The following ARPC2 variants were observed in gnomAD, a reference collection of about 807,000 sequenced individuals.
ARPC2 encodes the protein actin-related protein 2/3 complex subunit 2.
ARPC2 carries 4 observed loss-of-function variants against 38.6 expected under a neutral mutation model. The observed-to-expected ratio is 0.10, with a 90% CI of 0.05 to 0.24. ARPC2 has a LOEUF of 0.24. ARPC2 is among the 10% of genes least tolerant of loss of function. ARPC2 has a pLI of 1.00. For synonymous variants in ARPC2, 125 were observed against 140.8 expected, an observed-to-expected ratio of 0.89 and a Z score of 0.79; for missense variants, 229 against 387.3, an observed-to-expected ratio of 0.59 and a Z score of 3.43.
At chr2:218,238,924 G>A (rs982557723) in intron 6 of ARPC2, 74 bp downstream of exon 6, 2 of 1,242,056 alleles carry the variant, frequency 1.6e-6, no homozygotes, top group Non-Finnish European at 2.3e-6. Context: ...AAGAAATATG[G>A]CTTGGTCAAA....
chr2:218,225,161 TTGA>T (rs1689468751), intron 2 of ARPC2, among the ~76,000 whole-genome samples: 1 of 152,200 alleles, frequency 6.6e-6, no homozygotes, highest in Admixed American at 6.5e-5. Flanking sequence ...CCCCATTTTA[TTGA>T]TGATAGGGGA....
chr2:218,218,115 G>A (rs1170620218), intron 2 of ARPC2, among the ~76,000 whole-genome samples: 3 of 152,230 alleles, frequency 2.0e-5, no homozygotes, highest in Non-Finnish European at 2.9e-5. Context: ...TCCCTTCCCC[G>A]AACCCTTCTG....
intron 2 of ARPC2, among the ~76,000 whole-genome samples, chr2:218,224,272 T>C (rs2106144349): frequency 6.6e-6 from 1 of 152,282 alleles, no homozygotes; most frequent in African/African-American, 2.4e-5. Flanking sequence ...TCAGGTCTTT[T>C]GACAAAGTAG....
intron 10 of ARPC2, among the ~76,000 whole-genome samples, chr2:218,250,476 A>G (rs892801409): frequency 6.6e-6 from 1 of 152,150 alleles, no homozygotes; most frequent in Admixed American, 6.5e-5. Context: ...AGCCTGGCCA[A>G]GACGGTGAAA....
chr2:218,230,287 CTTTTTTTTTTT>C (rs768585570), intron 4 of ARPC2, among the ~76,000 whole-genome samples: 3 of 73,010 alleles, frequency 4.1e-5, no homozygotes, highest in Non-Finnish European at 7.3e-5. Flanking sequence ...TTTTTTTTTT[CTTTTTTTTTTT>C]TTTTTTTTTT....
At chr2:218,234,899 C>T (rs1205961720) in intron 5 of ARPC2, 2 of 456,570 alleles carry the variant, frequency 4.4e-6, no homozygotes, top group South Asian at 1.5e-5. Context: ...TGAAAGGCAC[C>T]GTGTCATCCT....
At chr2:218,231,380 A>C (rs537423063) in intron 4 of ARPC2, among the ~76,000 whole-genome samples, 1 of 152,208 alleles carries the variant, frequency 6.6e-6, no homozygotes, top group Non-Finnish European at 1.5e-5. Context: ...AGATCTCAGA[A>C]TATTAACTTA....
chr2:218,217,562 G>T lies in ARPC2; in HGVS notation c.74+18G>T. ...GCCGCCGGGTGAGCGCGCGCCCGGGGCCGGGGGTGGCGGGGGAAGCAGAGT... is the reference window on the plus strand; with the variant it reads ...GCCGCCGGGTGAGCGCGCGCCCGGGTCCGGGGGTGGCGGGGGAAGCAGAGT... On this transcript the variant is annotated intron_variant, in intron 2 of 10. Transcript: ENST00000315717. 6 of 1,603,540 alleles carry T rather than the reference G, an allele frequency of 3.7e-6. No homozygotes were observed. Among genetic ancestry groups the T allele is most frequent in the Non-Finnish European group, 5.1e-6 (6 of 1,174,596 alleles).
chr2:218,245,290 G>GT, intron 7 of ARPC2, 130 bp from the exon 8 acceptor site: 1 of 1,178,224 alleles, frequency 8.5e-7, no homozygotes, highest in Non-Finnish European at 1.2e-6. Context: ...GTTTGGTGTA[G>GT]TTTATTTTTA....
chr2:218,220,559 T>C (rs537628348), intron 2 of ARPC2, among the ~76,000 whole-genome samples: 2 of 152,280 alleles, frequency 1.3e-5, no homozygotes, highest in Admixed American at 1.3e-4. Flanking sequence ...AAAATAGTTC[T>C]GTGGCATATA....
chr2:218,228,682 G>C, intron 3 of ARPC2, 56 bp from the exon 4 acceptor site: 1 of 1,120,922 alleles, frequency 8.9e-7, no homozygotes, highest in South Asian at 1.3e-5. Flanking sequence ...TAGGCGCTTG[G>C]AGAGATTATT....
Position 218,228,796 on chromosome 2 carries a change from G to T in ARPC2, c.168G>T (p.Met56Ile). Residue 56 changes from methionine to isoleucine, a missense_variant, in exon 4 of 11, where the codon ATG (methionine) becomes ATT (isoleucine). By Grantham distance (10) the Met-to-Ile change is conservative (BLOSUM62 1). This residue lies in a region of ARPC2 where 135 missense variants were observed against 214.1 expected (regional missense o/e 0.63). Coordinates refer to ENST00000315717, the MANE Select transcript of ARPC2 (RefSeq NM_152862.3). ...SNPNGDKTKV[M>I]VSISLKFYKE... ...CTAATGGAGACAAAACAAAAGTGAT[G>T]GTCAGTATTTCTTTGAAATTCTACA... is the stretch of plus-strand genomic sequence containing the variant. 1 of 1,611,690 alleles carries T rather than the reference G, an allele frequency of 6.2e-7. No homozygotes were observed. The highest frequency in any genetic ancestry group is 1.1e-5 in the South Asian group (1 of 90,986).
Position 218,238,799 on chromosome 2 carries a change from G to A in ARPC2, c.404G>A (p.Gly135Asp). The change falls in exon 6 of 11, where the codon GGC becomes GAC. Residue 135 changes from glycine (G) to aspartate (D), a missense_variant. Coordinates refer to ENST00000315717, the MANE Select transcript of ARPC2 (RefSeq NM_152862.3). ...AAATACTTCCAATTCCAAGAAGAGG[G>A]CAAGGAAGGAGAGAACAGGGCAGTT... ...FEKYFQFQEE[G>D]KEGENRAVIH... 1 of 1,613,922 alleles carries A rather than the reference G, an allele frequency of 6.2e-7. No homozygotes were observed. Among genetic ancestry groups the A allele is most frequent in the Non-Finnish European group, 8.5e-7 (1 of 1,179,954 alleles).
At chr2:218,217,652 G>C in intron 2 of ARPC2, 108 bp downstream of exon 2, 1 of 1,231,810 alleles carries the variant, frequency 8.1e-7, no homozygotes, top group Non-Finnish European at 1.2e-6. Context: ...TGGGGTGCCT[G>C]GCAGGGTGTA....
At chr2:218,242,724 A>G (rs1387406428) in intron 7 of ARPC2, among the ~76,000 whole-genome samples, 1 of 152,200 alleles carries the variant, frequency 6.6e-6, no homozygotes, top group Non-Finnish European at 1.5e-5. Flanking sequence ...ATGACATAAA[A>G]AGATGTTCTG....
At position 218,238,657 on chromosome 2, in the gene ARPC2, C is replaced by T. The variant is rs756625351; in HGVS notation, c.269-7C>T. The T allele has an allele frequency of 2.7e-6, 4 of 1,468,934 alleles. No homozygotes were observed. Among genetic ancestry groups the T allele is most frequent in the South Asian group, 1.4e-5 (1 of 69,972 alleles). 91.0% of individuals were successfully genotyped at this position (1,468,934 alleles called of 1,614,324 possible). On this transcript the variant is annotated splice_region_variant and splice_polypyrimidine_tract_variant and intron_variant, in intron 5 of 10. Transcript: ENST00000315717. ...TTTTTTGTTTCTTGTTTTTTCTTTC[C>T]CTCCAGGATACAATGTCTCTTTGCT...
In ARPC2 at chr2:218,234,343, A is replaced by T. The variant is rs759389361; in HGVS notation, c.223-9A>T. On this transcript the variant is annotated splice_polypyrimidine_tract_variant and intron_variant, in intron 4 of 10. Coordinates refer to ENST00000315717, the MANE Select transcript of ARPC2 (RefSeq NM_152862.3). Reference sequence around the variant, plus strand: ...ACGTATTTGGTTTTGTTTTGTTTTTATTTTCTAGTTATTAAAGAGGGTGTA... The same window carrying T: ...ACGTATTTGGTTTTGTTTTGTTTTTTTTTTCTAGTTATTAAAGAGGGTGTA... 1 of 1,594,850 alleles carries T rather than the reference A, an allele frequency of 6.3e-7. No homozygotes were observed. Among genetic ancestry groups the T allele is most frequent in the Non-Finnish European group, 8.6e-7 (1 of 1,167,048 alleles).
At chr2:218,225,699 G>A (rs6757318) in intron 2 of ARPC2, among the ~76,000 whole-genome samples, 134,545 of 151,092 alleles carry the variant, frequency 0.89, 59,960 homozygotes, top group Non-Finnish European at 0.95. Context: ...GCTATAGCTG[G>A]CCTTCCTTTT....
rs141015685 is a variant in ARPC2 at position 218,223,241 on chromosome 2, C to G, written c.75-2679C>G. 1.6e-3 allele frequency among the ~76,000 whole-genome samples: 246 copies of G among 152,330 alleles called. 2 individuals carry two copies. The highest frequency in any genetic ancestry group is 5.7e-3 in the African/African-American group (235 of 41,570). On this transcript the variant is annotated intron_variant, in intron 2 of 10. Transcript: ENST00000315717. ...TTCTGAGTAGCATAATGAAATCTTGCGCTGTCCCGCCCAGGACATGAATCA... is the reference window on the plus strand; with the variant it reads ...TTCTGAGTAGCATAATGAAATCTTGGGCTGTCCCGCCCAGGACATGAATCA...
Sources: gnomAD v4.1 joint callset for allele counts (sites outside exome capture counted in the v4.1 genomes callset) on GRCh38, gnomAD v4.1.1 for gene constraint, gnomAD v4.1.1 regional missense constraint, MANE v1.5 for transcripts, NCBI Gene and HGNC (gene_info 2026-07-23, HGNC 2026-07-21) for gene names.